Variants in RTCA observed in about 807,000 individuals in gnomAD.
RTCA encodes the protein RNA terminal phosphate cyclase domain 1.
In RTCA, 37 loss-of-function variants were observed where a neutral mutation model predicts 46.1. That is an observed-to-expected ratio of 0.80 (90% CI 0.62 to 1.06). RTCA has a LOEUF of 1.06. Among genes scored for constraint, RTCA ranks in the 50% least tolerant of loss-of-function variants. The pLI, the probability that RTCA is intolerant of heterozygous loss-of-function variation, is 0.00. For synonymous variants in RTCA, 164 were observed against 158.3 expected, an observed-to-expected ratio of 1.04 and a Z score of -0.27; for missense variants, 435 against 455.5, an observed-to-expected ratio of 0.95 and a Z score of 0.41.
At chr1:100,285,131 A>G in intron 8 of RTCA, 97 bp from the exon 9 acceptor site, 1 of 871,774 alleles carries the variant, frequency 1.1e-6, no homozygotes, top group South Asian at 1.4e-5. Context: ...AAAATTGTAT[A>G]CCAGTGCTAA....
At position 100,277,397 on chromosome 1, in the gene RTCA, T is replaced by C. The variant is rs536049945; in HGVS notation, c.799+81T>C. The C allele has an allele frequency of 1.1e-5, 14 of 1,223,374 alleles. 1 individual carries two copies. The highest frequency in any genetic ancestry group is 3.0e-5 in the South Asian group (2 of 66,640). 75.8% of individuals were successfully genotyped at this position (1,223,374 alleles called of 1,614,324 possible). A position where few individuals can be genotyped will look rare whatever the true frequency, so the allele number is the denominator to read the frequency against. On this transcript the variant is annotated intron_variant, in intron 8 of 10. Coordinates refer to ENST00000370128, the MANE Select transcript of RTCA (RefSeq NM_003729.4). ...CCATCAGGATTGGAATGTTATAGAA[T>C]GATGGATGAAAGTTTAAAAGGATGT...
intron 2 of RTCA, 62 bp from the exon 3 acceptor site, chr1:100,268,090 T>C: frequency 1.3e-6 from 2 of 1,576,776 alleles, no homozygotes; most frequent in Admixed American, 1.8e-5. Flanking sequence ...AAATTTGTCA[T>C]AAAATGTGGG....
intron 2 of RTCA, chr1:100,267,567 A>T (rs763193485): frequency 6.5e-7 from 1 of 1,540,316 alleles, no homozygotes; most frequent in South Asian, 1.2e-5. Context: ...CCATGAGAAA[A>T]GGATCTGCTC....
At position 100,273,401 on chromosome 1, in the gene RTCA, A is replaced by G. The variant is rs764446753; in HGVS notation, c.422A>G (p.Lys141Arg). The G allele has an allele frequency of 2.1e-5, 33 of 1,581,024 alleles. No homozygotes were observed. The Middle Eastern group carries it at 1.3e-3, about 64-fold the overall frequency. Reference protein sequence around the residue: ...PQIDYTVMVFKPIVEKFGFIF... With the variant: ...PQIDYTVMVFRPIVEKFGFIF... ...AAAAACTGATTTTTTCAGGTCTTCAAGCCAATTGTTGAAAAATTTGGTTTC... is the reference window on the plus strand; with the variant it reads ...AAAAACTGATTTTTTCAGGTCTTCAGGCCAATTGTTGAAAAATTTGGTTTC... The change falls in exon 5 of 11, where the codon AAG becomes AGG. Residue 141 changes from lysine (K) to arginine (R), a missense_variant. By Grantham distance (26) the Lys-to-Arg change is conservative. Coordinates refer to ENST00000370128, the MANE Select transcript of RTCA (RefSeq NM_003729.4).
chr1:100,278,860 AGTTC>A (rs955127303), intron 8 of RTCA, among the ~76,000 whole-genome samples: 7 of 152,204 alleles, frequency 4.6e-5, no homozygotes, highest in African/African-American at 1.7e-4. Context: ...ATCAACTGGG[AGTTC>A]GTTAGAAATA....
Sources: gnomAD v4.1 joint callset for allele counts (sites outside exome capture counted in the v4.1 genomes callset) on GRCh38, gnomAD v4.1.1 for gene constraint, MANE v1.5 for transcripts, NCBI Gene and HGNC (gene_info 2026-07-23, HGNC 2026-07-21) for gene names.